GPR180: variants seen among roughly 807,000 people sequenced by gnomAD.
GPR180 encodes G protein-coupled receptor 180.
In GPR180, 53 loss-of-function variants were observed where a neutral mutation model predicts 52.6. The ratio of observed to expected loss-of-function variants is 1.01; its 90% confidence interval spans 0.81 to 1.27. The LOEUF (loss-of-function observed/expected upper bound fraction) is 1.27, where lower values mean the gene tolerates loss of function less well. Ranked by LOEUF, GPR180 falls within the 50% of genes most tolerant of loss-of-function variation. GPR180 has a pLI of 0.00. For synonymous variants in GPR180, 200 were observed against 193.1 expected (o/e 1.04, Z -0.30); for missense variants, 533 against 527.0 (o/e 1.01, Z -0.11).
chr13:94,634,612 C>T lies in GPR180; in HGVS notation c.*7441C>T, dbSNP rs1212437138. The T allele has an allele frequency of 6.6e-6, 1 of 152,114 alleles. No homozygotes were observed. Among genetic ancestry groups the T allele is most frequent in the Non-Finnish European group, 1.5e-5 (1 of 68,018 alleles). 9.4% of individuals were successfully genotyped at this position (152,114 alleles called of 1,614,324 possible). On this transcript the variant is annotated 3_prime_UTR_variant, in exon 9 of 9. Transcript: ENST00000376958. ...CAGTCACCTAACTGAATTCTTCTAA[C>T]AGTTGTAATAAATTTCTGGTTGGCT...
Position 94,634,269 on chromosome 13 carries a change from G to A in GPR180, c.*7098G>A, listed in dbSNP as rs1890036873. On this transcript the variant is annotated 3_prime_UTR_variant, in exon 9 of 9. Coordinates refer to ENST00000376958, the MANE Select transcript of GPR180 (RefSeq NM_180989.6). ...AACGTGTTGAGTGTTAAACCCACAGGTGGTAGCATGACATTGACTCCTCAG... is the reference window on the plus strand; with the variant it reads ...AACGTGTTGAGTGTTAAACCCACAGATGGTAGCATGACATTGACTCCTCAG... 6.6e-6 allele frequency: 1 copy of A among 152,068 alleles called. No homozygotes were observed. Among genetic ancestry groups the A allele is most frequent in the Non-Finnish European group, 1.5e-5 (1 of 68,008 alleles). 9.4% of individuals were successfully genotyped at this position (152,068 alleles called of 1,614,324 possible).
Position 94,629,859 on chromosome 13 carries a change from C to G in GPR180, c.*2688C>G, listed in dbSNP as rs1261412595. ...ACATCTGATGAACATAGGAGATACA[C>G]AAATCTGAGATCATCTCTAAAATAA... On this transcript the variant is annotated 3_prime_UTR_variant, in exon 9 of 9. Coordinates refer to ENST00000376958, the MANE Select transcript of GPR180 (RefSeq NM_180989.6). 1 of 152,158 alleles carries G rather than the reference C, an allele frequency of 6.6e-6. No homozygotes were observed. The highest frequency in any genetic ancestry group is 1.5e-5 in the Non-Finnish European group (1 of 68,034). 9.4% of individuals were successfully genotyped at this position (152,158 alleles called of 1,614,324 possible).
rs768229036 is a variant in GPR180, at chr13:94,627,157, C to T, written c.1309C>T (p.Arg437Cys). Reference protein sequence around the residue: ...PLTISSGHKSRPHF With the variant: ...PLTISSGHKSCPHF ...GACCATATCATCTGGACACAAAAGTCGCCCTCATTTCTGATACTTGATTTT... is the reference window on the plus strand; with the variant it reads ...GACCATATCATCTGGACACAAAAGTTGCCCTCATTTCTGATACTTGATTTT... The change falls in exon 9 of 9, where the codon CGC becomes TGC. Residue 437 changes from arginine to cysteine, a missense_variant. Arg to Cys is a radical substitution (Grantham distance 180, BLOSUM62 -3). Transcript: ENST00000376958. 3.7e-6 allele frequency: 6 copies of T among 1,612,040 alleles called. No individual in the cohort carries two copies. Among genetic ancestry groups the T allele is most frequent in the Middle Eastern group, 1.7e-4 (1 of 6,056 alleles).
At position 94,633,728 on chromosome 13, in the gene GPR180, TTTC is replaced by T. The variant is rs1450906885; in HGVS notation, c.*6562_*6564del. On this transcript the variant is annotated 3_prime_UTR_variant, in exon 9 of 9. Coordinates refer to ENST00000376958, the MANE Select transcript of GPR180 (RefSeq NM_180989.6). ...GGTGGAATTATCAGTCTTTCATTTT[TTTC>T]TTCTGTGTTCTACCTGTTTCACAGG... is the stretch of plus-strand genomic sequence containing the variant. The T allele has an allele frequency of 1.3e-5, 2 of 152,226 alleles. No homozygotes were observed. The highest frequency in any genetic ancestry group is 1.3e-4 in the Admixed American group (2 of 15,300). 9.4% of individuals were successfully genotyped at this position (152,226 alleles called of 1,614,324 possible).
In GPR180 at chr13:94,619,490, G is replaced by A. The variant is rs377626364; in HGVS notation, c.709G>A (p.Val237Ile). The change falls in exon 5 of 9, where the codon GTA (valine) becomes ATA (isoleucine). Residue 237 changes from valine to isoleucine, a missense_variant. Physicochemically the swap from Val to Ile is conservative, Grantham distance 29. Transcript: ENST00000376958. The part of the protein sequence containing the change: ...FSSYSKDGIG[V>I]PFMGSLAEFF... ...CAGTTACTCCAAAGATGGAATAGGG[G>A]TACCATTTATGGGAAGTTTGGCAGA... The A allele has an allele frequency of 5.0e-5, 80 of 1,613,272 alleles. No individual in the cohort carries two copies. Among genetic ancestry groups the A allele is most frequent in the Non-Finnish European group, 6.5e-5 (77 of 1,179,638 alleles).
intron 7 of GPR180, among the ~76,000 whole-genome samples, chr13:94,624,009 A>G (rs1452823088): frequency 2.0e-5 from 3 of 152,194 alleles, no homozygotes; most frequent in African/African-American, 4.8e-5. Flanking sequence ...GTTAGGAGCT[A>G]TCCTTCAGCA....
chr13:94,616,662 T>TTATTAA (rs1247389203), intron 3 of GPR180, among the ~76,000 whole-genome samples: 2 of 152,256 alleles, frequency 1.3e-5, no homozygotes, highest in Non-Finnish European at 2.9e-5. Flanking sequence ...TTCATGTGTA[T>TTATTAA]TATTAAGTCT....
rs1411977872 is a variant in GPR180 at position 94,626,017 on chromosome 13, A to G, written c.1138A>G (p.Ile380Val). The G allele has an allele frequency of 3.1e-6, 5 of 1,611,290 alleles. No individual in the cohort carries two copies. Among genetic ancestry groups the G allele is most frequent in the Admixed American group, 3.3e-5 (2 of 59,938 alleles). Residue 380 changes from isoleucine (I) to valine (V), a missense_variant, in exon 8 of 9, where the codon ATT (isoleucine) becomes GTT (valine). Physicochemically the swap from Ile to Val is conservative, Grantham distance 29 (BLOSUM62 3). Transcript: ENST00000376958. The stretch of plus-strand genomic sequence containing the variant: ...TCCAGTTCTTGCATGCATTTCTGTC[A>G]TTTTTAGCGACTACCAAAGAGACAA... ...CHPVLACISV[I>V]FSDYQRDKVI...
At chr13:94,610,010 C>T (rs1889683777) in intron 2 of GPR180, among the ~76,000 whole-genome samples, 1 of 152,138 alleles carries the variant, frequency 6.6e-6, no homozygotes, top group Non-Finnish European at 1.5e-5. Context: ...AATTATAGTA[C>T]AACCAGCATC....
rs1461146763 is a variant in GPR180, at chr13:94,630,490, AACT to A, written c.*3326_*3328del. 1 of 152,256 alleles carries A rather than the reference AACT, an allele frequency of 6.6e-6. No individual in the cohort carries two copies. Among genetic ancestry groups the A allele is most frequent in the Non-Finnish European group, 1.5e-5 (1 of 68,046 alleles). 9.4% of individuals were successfully genotyped at this position (152,256 alleles called of 1,614,324 possible). ...TTTAAAAATCATATAAATCAGATCA[AACT>A]ACTACTTCCCTGACAAAAACCCTCC... On this transcript the variant is annotated 3_prime_UTR_variant, in exon 9 of 9. Transcript: ENST00000376958.
intron 1 of GPR180, among the ~76,000 whole-genome samples, chr13:94,602,363 A>G (rs1293475773): frequency 3.9e-5 from 6 of 152,164 alleles, no homozygotes; most frequent in African/African-American, 9.7e-5. Context: ...TTGGAAGCCA[A>G]TGTGCAAAAG....
At chr13:94,620,962 G>C in intron 5 of GPR180, 116 bp from the exon 6 acceptor site, 1 of 892,898 alleles carries the variant, frequency 1.1e-6, no homozygotes, top group Non-Finnish European at 1.7e-6. Flanking sequence ...GCTTCTCTTT[G>C]AAAATGGCTT....
chr13:94,607,269 C>A (rs1413753645), intron 2 of GPR180, among the ~76,000 whole-genome samples: 2 of 152,168 alleles, frequency 1.3e-5, no homozygotes, highest in African/African-American at 4.8e-5. Flanking sequence ...CCATGCTGGT[C>A]CCCCTTCTGT....
intron 2 of GPR180, 27 bp from the exon 3 acceptor site, chr13:94,612,163 C>A (rs775806612): frequency 3.8e-6 from 6 of 1,569,824 alleles, no homozygotes; most frequent in Non-Finnish European, 4.4e-6. Flanking sequence ...AATTTTGTTA[C>A]AAAAGGTGTT....
chr13:94,620,987 T>TAAAA, intron 5 of GPR180, 91 bp from the exon 6 acceptor site: 1 of 1,014,806 alleles, frequency 9.9e-7, no homozygotes, highest in Non-Finnish European at 1.4e-6. Context: ...TGGTTTTTCT[T>TAAAA]AAAAAAAAAA....
chr13:94,624,838 A>C (rs563771599), intron 7 of GPR180, among the ~76,000 whole-genome samples: 1 of 151,192 alleles, frequency 6.6e-6, no homozygotes, highest in African/African-American at 2.4e-5. Flanking sequence ...CACCGCACCC[A>C]GCCTTTCTTT....
chr13:94,619,316 C>A lies in GPR180; in HGVS notation c.672C>A (p.Tyr224Ter). 6.2e-7 allele frequency: 1 copy of A among 1,613,934 alleles called. No homozygotes were observed. Among genetic ancestry groups the A allele is most frequent in the African/African-American group, 1.3e-5 (1 of 75,044 alleles). ...AAGCTGGTTCAGCTTTAGCTAATTA[C>A]ATTCATTTCTCCAGGTAACTCAAAA... is the stretch of plus-strand genomic sequence containing the variant. Reference protein sequence around the residue: ...LLQAGSALANYIHFSSYSKDG... With the variant: ...LLQAGSALAN Residue 224 changes from tyrosine to a stop codon, truncating the protein, a stop_gained, in exon 4 of 9, where the codon TAC (tyrosine) becomes TAA (stop). Coordinates refer to ENST00000376958, the MANE Select transcript of GPR180 (RefSeq NM_180989.6). LOFTEE classifies it high-confidence loss of function.
chr13:94,602,108 C>T (rs1889562982), intron 1 of GPR180, 36 bp downstream of exon 1: 5 of 1,287,788 alleles, frequency 3.9e-6, no homozygotes, highest in Non-Finnish European at 4.9e-6. Flanking sequence ...TGAAGGCGCG[C>T]TGGCCCATCC....
intron 1 of GPR180, among the ~76,000 whole-genome samples, chr13:94,602,301 A>G (rs985842342): frequency 6.6e-6 from 1 of 152,168 alleles, no homozygotes; most frequent in African/African-American, 2.4e-5. Context: ...TCTCGCCACT[A>G]GTGATCGTGT....
Sources: gnomAD v4.1 joint callset for allele counts (sites outside exome capture counted in the v4.1 genomes callset) on GRCh38, gnomAD v4.1.1 for gene constraint, MANE v1.5 for transcripts, NCBI Gene and HGNC (gene_info 2026-07-23, HGNC 2026-07-21) for gene names.